Variants in AP3D1 observed in about 807,000 individuals in gnomAD.
AP3D1 encodes AP-3 complex subunit delta-1.
AP3D1 carries 51 observed loss-of-function variants against 147.6 expected under a neutral mutation model. The ratio of observed to expected loss-of-function variants is 0.35; its 90% CI spans 0.28 to 0.44. The LOEUF is 0.44. AP3D1 is among the 20% of genes least tolerant of loss of function. AP3D1 has a pLI of 1.00. For missense variants in AP3D1, 1,421 were observed against 1,624.2 expected, an observed-to-expected ratio of 0.87 and a Z score of 2.15; for synonymous variants, 760 against 663.0, an observed-to-expected ratio of 1.15 and a Z score of -2.25.
Position 2,151,360 on chromosome 19 carries a change from C to A in AP3D1, c.-26G>T. On this transcript the variant is annotated 5_prime_UTR_variant, in exon 1 of 32. Coordinates refer to ENST00000643116, the MANE Select transcript of AP3D1 (RefSeq NM_001261826.3). ...CGCGGCGGCCCACGGGCTTTTGCCT[C>A]GGGAGGCCCGCGGCTGGGCGCCGTG... 6.6e-7 allele frequency: 1 copy of A among 1,506,856 alleles called. No individual in the cohort carries two copies. Among genetic ancestry groups the A allele is most frequent in the East Asian group, 2.7e-5 (1 of 37,030 alleles). The allele number at this position is 1,506,856 out of a possible 1,614,324, so 93.3% of individuals were successfully genotyped here.
Position 2,121,258 on chromosome 19 carries a change from G to A in AP3D1, c.1155C>T (p.Asp385=), listed in dbSNP as rs2018603170. 6.2e-6 allele frequency: 10 copies of A among 1,614,096 alleles called. No homozygotes were observed. In the African/African-American group the frequency reaches 8.0e-5, roughly 13 times the overall value. ...CACGGTAGGTGGTACCCTCTGCCTTGTCTACGTGGGTCATCAGCTTCTTCA... is the reference window on the plus strand; with the variant it reads ...CACGGTAGGTGGTACCCTCTGCCTTATCTACGTGGGTCATCAGCTTCTTCA... ...EIVKKLMTHV[D]KAEGTTYRDE... is the part of the protein sequence containing the mutation. Residue 385 remains aspartate (D), a synonymous_variant, in exon 13 of 32, where the codon GAC becomes GAT. Coordinates refer to ENST00000643116, the MANE Select transcript of AP3D1 (RefSeq NM_001261826.3).
intron 1 of AP3D1, among the ~76,000 whole-genome samples, chr19:2,144,535 T>TCTCTGTG (rs966597664): frequency 1.3e-5 from 2 of 152,128 alleles, no homozygotes; most frequent in African/African-American, 4.8e-5. Context: ...CCCCAGCCCG[T>TCTCTGTG]CTCTGTGCTC....
At chr19:2,135,894 A>G (rs2019063218) in intron 4 of AP3D1, among the ~76,000 whole-genome samples, 1 of 150,860 alleles carries the variant, frequency 6.6e-6, no homozygotes, top group Non-Finnish European at 1.5e-5. Context: ...CCTCCCTCCC[A>G]GTTACCACCT....
chr19:2,113,245 G>C, intron 23 of AP3D1, 91 bp downstream of exon 23: 1 of 725,726 alleles, frequency 1.4e-6, no homozygotes, highest in Non-Finnish European at 2.3e-6. Flanking sequence ...CGAGAGCACA[G>C]GGCCTCAGGA....
chr19:2,129,131 C>T lies in AP3D1; in HGVS notation c.765G>A (p.Leu255=), dbSNP rs1294960577. 2.5e-6 allele frequency: 4 copies of T among 1,598,434 alleles called. No individual in the cohort carries two copies. The Admixed American group carries it at 5.3e-5, about 21-fold the overall frequency. The change falls in exon 8 of 32, where the codon CTG becomes CTA. Residue 255 remains leucine, a synonymous_variant. Transcript: ENST00000643116. ...FGALTPLEPR[L]GKKLIEPLTN... is the part of the protein sequence containing the mutation. The stretch of plus-strand genomic sequence containing the variant: ...TGAGGGGCTCGATCAGCTTCTTGCC[C>T]AGCCGCGGTTCCAAAGGAGTAAGAG...
intron 2 of AP3D1, among the ~76,000 whole-genome samples, chr19:2,138,133 G>A (rs1331354247): frequency 6.6e-6 from 1 of 152,228 alleles, no homozygotes; most frequent in Non-Finnish European, 1.5e-5. Flanking sequence ...TACGAGACGA[G>A]CAGCAGCATG....
chr19:2,128,536 G>T (rs2018832967), intron 8 of AP3D1, among the ~76,000 whole-genome samples: 1 of 123,378 alleles, frequency 8.1e-6, no homozygotes, highest in Non-Finnish European at 1.7e-5. Flanking sequence ...GCACCCCGTG[G>T]AGCCGGCCCG....
chr19:2,108,133 C>G (rs879618397), intron 31 of AP3D1, among the ~76,000 whole-genome samples: 1 of 152,150 alleles, frequency 6.6e-6, no homozygotes, highest in Non-Finnish European at 1.5e-5. Context: ...AGAGAGGACA[C>G]ACTCTACTGC....
At chr19:2,121,573 G>T (rs910910626) in intron 12 of AP3D1, among the ~76,000 whole-genome samples, 161 bp downstream of exon 12, 1 of 152,218 alleles carries the variant, frequency 6.6e-6, no homozygotes, top group African/African-American at 2.4e-5. Flanking sequence ...CTGGAAGACA[G>T]GCATGGACCA....
At chr19:2,107,078 A>G (rs2018130655) in intron 31 of AP3D1, among the ~76,000 whole-genome samples, 1 of 151,978 alleles carries the variant, frequency 6.6e-6, no homozygotes, top group Non-Finnish European at 1.5e-5. Context: ...CCTGGCTAAC[A>G]TGGTGAAACC....
chr19:2,161,951 A>T (rs2019702403), intron 1 of AP3D1, among the ~76,000 whole-genome samples: 1 of 151,862 alleles, frequency 6.6e-6, no homozygotes, highest in Non-Finnish European at 1.5e-5. Flanking sequence ...GTCAATAAAT[A>T]AATAAATAAA....
rs1264925702 is a variant in AP3D1 at position 2,129,573 on chromosome 19, G to A, written c.593-116C>T. The A allele has an allele frequency of 1.4e-5, 18 of 1,307,178 alleles. No homozygotes were observed. In the East Asian group the frequency reaches 3.7e-4, roughly 27 times the overall value. The allele number at this position is 1,307,178 out of a possible 1,614,324, so 81.0% of individuals were successfully genotyped here. A position where few individuals can be genotyped will look rare whatever the true frequency, so the allele number is the denominator to read the frequency against. On this transcript the variant is annotated intron_variant, in intron 6 of 31. Transcript: ENST00000643116. ...CCTGCAGCAGCTCCCACTGAACATGGCCCTGGCTCTGCCACCTCCTCCTGG... is the reference window on the plus strand; with the variant it reads ...CCTGCAGCAGCTCCCACTGAACATGACCCTGGCTCTGCCACCTCCTCCTGG...
chr19:2,143,798 G>A (rs898942725), intron 1 of AP3D1, among the ~76,000 whole-genome samples: 13 of 151,644 alleles, frequency 8.6e-5, no homozygotes, highest in Non-Finnish European at 1.8e-4. Context: ...AAATGAAAGT[G>A]CTGCCTCGGC....
At position 2,121,107 on chromosome 19, in the gene AP3D1, C is replaced by T. The variant is rs200640130; in HGVS notation, c.1251-15G>A. The T allele has an allele frequency of 6.3e-5, 101 of 1,613,640 alleles. No homozygotes were observed. In the East Asian group the frequency reaches 1.6e-3, roughly 26 times the overall value. On this transcript the variant is annotated splice_polypyrimidine_tract_variant and intron_variant, in intron 13 of 31. Transcript: ENST00000643116. ...TGCTGATGTACCTGTGGGGCAGAGG[C>T]GGTGAGTGAGCGGCGCCACGGAACC...
At chr19:2,141,350 C>CATATTTCCTTTATACACTAA (rs2019214619) in intron 1 of AP3D1, among the ~76,000 whole-genome samples, 2 of 151,538 alleles carry the variant, frequency 1.3e-5, no homozygotes, top group African/African-American at 4.9e-5. Flanking sequence ...ACACAGGGTG[C>CATATTTCCTTTATACACTAA]GTATTTCCTT....
intron 1 of AP3D1, among the ~76,000 whole-genome samples, chr19:2,161,004 C>T (rs2019692400): frequency 6.6e-6 from 1 of 152,118 alleles, no homozygotes; most frequent in African/African-American, 2.4e-5. Flanking sequence ...CAAGAGACTG[C>T]ATCCCATGAT....
In AP3D1 at chr19:2,110,200, A is replaced by C; in HGVS notation, c.3200T>G (p.Val1067Gly). ...CATGACGATGCTCTGGATGGTGAACACATACTGGGCTTCGTTGGAGACGCC... is the reference window on the plus strand; with the variant it reads ...CATGACGATGCTCTGGATGGTGAACCCATACTGGGCTTCGTTGGAGACGCC... ...PPGVSNEAQY[V>G]FTIQSIVMAQ... The change falls in exon 28 of 32, where the codon GTG (valine) becomes GGG (glycine). Residue 1067 changes from valine (V) to glycine (G), a missense_variant. By Grantham distance (109) the Val-to-Gly change is moderately radical. Around this residue, in one of 6 missense-constraint regions of AP3D1, gnomAD observed 791 missense variants for 761.4 expected, o/e 1.04. Coordinates refer to ENST00000643116, the MANE Select transcript of AP3D1 (RefSeq NM_001261826.3). 6.2e-7 allele frequency: 1 copy of C among 1,612,544 alleles called. No homozygotes were observed. The highest frequency in any genetic ancestry group is 8.5e-7 in the Non-Finnish European group (1 of 1,179,954).
At chr19:2,102,880 G>A (rs2017998271) in intron 31 of AP3D1, among the ~76,000 whole-genome samples, 1 of 152,082 alleles carries the variant, frequency 6.6e-6, no homozygotes, top group African/African-American at 2.4e-5. Flanking sequence ...CCCAGGGGGT[G>A]GAGGTTGCAT....
intron 26 of AP3D1, 107 bp downstream of exon 26, chr19:2,111,178 G>T: frequency 7.1e-7 from 1 of 1,407,910 alleles, no homozygotes; most frequent in East Asian, 2.3e-5. Context: ...CACAGGCCCT[G>T]GGTATACCAA....
Sources: gnomAD v4.1 joint callset for allele counts (sites outside exome capture counted in the v4.1 genomes callset) on GRCh38, gnomAD v4.1.1 for gene constraint, gnomAD v4.1.1 regional missense constraint, MANE v1.5 for transcripts, NCBI Gene and HGNC (gene_info 2026-07-23, HGNC 2026-07-21) for gene names.